CCNJL: variants seen among roughly 807,000 people sequenced by gnomAD.
CCNJL encodes the protein cyclin J like, also known as cyclin-J-like protein.
Under a neutral mutation model 33.4 loss-of-function variants are expected in CCNJL, and 33 were observed. The ratio of observed to expected loss-of-function variants is 0.99; its 90% CI spans 0.75 to 1.32. The LOEUF (loss-of-function observed/expected upper bound fraction) is 1.32, where lower values mean the gene tolerates loss of function less well. Among genes scored for constraint, CCNJL ranks in the 40% most tolerant of loss-of-function variants. CCNJL has a pLI of 0.00. For missense variants in CCNJL, 512 were observed against 499.7 expected (o/e 1.02, Z -0.23); for synonymous variants, 227 against 220.9 (o/e 1.03, Z -0.24).
At chr5:160,256,776 C>T (rs182342538) in intron 4 of CCNJL, among the ~76,000 whole-genome samples, 217 of 151,322 alleles carry the variant, frequency 1.4e-3, no homozygotes, top group African/African-American at 4.7e-3. Context: ...AAATTAGCCA[C>T]GCGTGGTGGT....
chr5:160,276,259 T>C (rs1427663595), intron 3 of CCNJL: 1 of 129,318 alleles, frequency 7.7e-6, no homozygotes, highest in Admixed American at 8.6e-5. Context: ...CCAGGCATAG[T>C]GGGACATACC....
At chr5:160,330,365 C>T (rs1427845378) in intron 1 of CCNJL, among the ~76,000 whole-genome samples, 1 of 152,148 alleles carries the variant, frequency 6.6e-6, no homozygotes, top group Non-Finnish European at 1.5e-5. Context: ...GTGGCTGGGT[C>T]AAGAACCACA....
chr5:160,319,532 T>A (rs1487121876), intron 1 of CCNJL, among the ~76,000 whole-genome samples: 2 of 152,172 alleles, frequency 1.3e-5, no homozygotes, highest in Non-Finnish European at 2.9e-5. Flanking sequence ...CCCCACACAC[T>A]TCAGGTTCCT....
chr5:160,287,335 C>G (rs1181981773), intron 2 of CCNJL, among the ~76,000 whole-genome samples: 1 of 152,192 alleles, frequency 6.6e-6, no homozygotes, highest in Non-Finnish European at 1.5e-5. Context: ...GAGAAATGTG[C>G]AATGAGGCTT....
chr5:160,336,925 G>A (rs1763689238), intron 1 of CCNJL, among the ~76,000 whole-genome samples: 1 of 150,880 alleles, frequency 6.6e-6, no homozygotes, highest in Admixed American at 6.6e-5. Flanking sequence ...CAACCACTTG[G>A]GGCCAAGCTC....
intron 1 of CCNJL, chr5:160,339,363 A>AG (rs906868929): frequency 9.3e-6 from 3 of 322,386 alleles, no homozygotes; most frequent in African/African-American, 7.5e-5. Context: ...GCAAAACAAA[A>AG]AAAAAAAACA....
chr5:160,249,362 T>C lies in CCNJL; in HGVS notation c.*4016A>G, dbSNP rs1221661453. On this transcript the variant is annotated 3_prime_UTR_variant, in exon 6 of 6. Transcript: ENST00000257536. ...GTTGACATGCTTAAATATTGGTATA[T>C]TGAGTATTCTTTCATCAGCATCTCA... The C allele has an allele frequency of 3.3e-5, 5 of 152,240 alleles. No individual in the cohort carries two copies. Among genetic ancestry groups the C allele is most frequent in the African/African-American group, 4.8e-5 (2 of 41,458 alleles). 9.4% of individuals were successfully genotyped at this position (152,240 alleles called of 1,614,324 possible).
chr5:160,307,734 G>A (rs1021355412), intron 2 of CCNJL, among the ~76,000 whole-genome samples: 1 of 152,100 alleles, frequency 6.6e-6, no homozygotes, highest in African/African-American at 2.4e-5. Flanking sequence ...CCCACCCCCA[G>A]CAGAAAGGTC....
At chr5:160,256,077 T>C (rs937766409) in intron 4 of CCNJL, among the ~76,000 whole-genome samples, 8 of 152,066 alleles carry the variant, frequency 5.3e-5, no homozygotes, top group African/African-American at 1.4e-4. Flanking sequence ...TTTTGAGAGA[T>C]AGGGTTTCAG....
chr5:160,317,286 A>G (rs943253544), upstream of CCNJL, among the ~76,000 whole-genome samples: 1 of 152,260 alleles, frequency 6.6e-6, no homozygotes, highest in East Asian at 1.9e-4. Flanking sequence ...TTTTGCAAAC[A>G]GAACTCAAAG....
chr5:160,279,801 G>A (rs1762144935), intron 3 of CCNJL, among the ~76,000 whole-genome samples: 2 of 152,222 alleles, frequency 1.3e-5, no homozygotes, highest in Middle Eastern at 3.2e-3. Flanking sequence ...AGGAACTCAA[G>A]GGTTGGTCTT....
intron 3 of CCNJL, among the ~76,000 whole-genome samples, chr5:160,275,332 C>T (rs903694551): frequency 2.0e-5 from 3 of 152,136 alleles, no homozygotes; most frequent in Non-Finnish European, 2.9e-5. Context: ...GTGATCTGCC[C>T]GCCTTGGCCT....
In CCNJL at chr5:160,326,345, C is replaced by T. The variant is rs75519252; in HGVS notation, n.207-10840G>A. ...CAAAAATTAGCCAGGCATGGTGGCA[C>T]GCATCTGTAACCCTAGCTACTTGGG... is the stretch of plus-strand genomic sequence containing the variant. On this transcript the variant is annotated intron_variant and non_coding_transcript_variant, in intron 1 of 7. Coordinates refer to the CCNJL transcript ENST00000377503. Among the ~76,000 whole-genome samples, 248 of 151,950 alleles carry T rather than the reference C, an allele frequency of 1.6e-3. 3 individuals carry two copies. In the East Asian group the frequency reaches 0.031, roughly 19 times the overall value.
chr5:160,271,829 C>T (rs1693566792), intron 3 of CCNJL, among the ~76,000 whole-genome samples: 1 of 152,242 alleles, frequency 6.6e-6, no homozygotes, highest in African/African-American at 2.4e-5. Context: ...TTGAAAGGCT[C>T]AAGCATTTCA....
intron 2 of CCNJL, among the ~76,000 whole-genome samples, chr5:160,300,542 T>G (rs1250425430): frequency 3.9e-5 from 6 of 152,182 alleles, no homozygotes; most frequent in Admixed American, 3.9e-4. Context: ...TTTTTGTGAT[T>G]CTTTTTTTAG....
chr5:160,270,562 G>A (rs1761795117), intron 3 of CCNJL, among the ~76,000 whole-genome samples: 1 of 152,136 alleles, frequency 6.6e-6, no homozygotes, highest in Non-Finnish European at 1.5e-5. Flanking sequence ...GAGTGACAGA[G>A]TGAGATCCTG....
chr5:160,304,199 C>A (rs965989474), intron 2 of CCNJL, among the ~76,000 whole-genome samples: 3 of 152,200 alleles, frequency 2.0e-5, no homozygotes, highest in Non-Finnish European at 4.4e-5. Flanking sequence ...TTTTGGTATT[C>A]TAAGACCTAA....
chr5:160,273,534 A>C (rs1165027647), intron 3 of CCNJL, among the ~76,000 whole-genome samples: 2 of 152,178 alleles, frequency 1.3e-5, no homozygotes, highest in Non-Finnish European at 2.9e-5. Context: ...TGAAAGAAGA[A>C]GACAGAGTGC....
chr5:160,302,236 C>A (rs1246468658), intron 2 of CCNJL, among the ~76,000 whole-genome samples: 1 of 151,174 alleles, frequency 6.6e-6, no homozygotes, highest in African/African-American at 2.4e-5. Context: ...AAACATTATG[C>A]ATTGGATTGC....
Sources: allele counts gnomAD v4.1 joint callset (sites outside exome capture counted in the v4.1 genomes callset), GRCh38; gene constraint gnomAD v4.1.1; transcripts MANE v1.5; gene names NCBI Gene and HGNC (gene_info 2026-07-23, HGNC 2026-07-21).